Variants in ADAMTS9 observed in about 807,000 individuals in gnomAD.
ADAMTS9 encodes the protein ADAM metallopeptidase with thrombospondin type 1 motif 9.
Under a neutral mutation model 257.1 loss-of-function variants are expected in ADAMTS9, and 107 were observed. That is an observed-to-expected ratio of 0.42 (90% CI 0.36 to 0.49). The LOEUF is 0.49. ADAMTS9 is among the 20% of genes least tolerant of loss of function. The pLI, the probability that ADAMTS9 is intolerant of heterozygous loss-of-function variation, is 0.03. For missense variants in ADAMTS9, 2,353 were observed against 2,469.1 expected, an observed-to-expected ratio of 0.95 and a Z score of 1.00; for synonymous variants, 982 against 880.9, an observed-to-expected ratio of 1.11 and a Z score of -2.03.
chr3:64,639,301 T>TTTG (rs1266335225), intron 12 of ADAMTS9, among the ~76,000 whole-genome samples: 4 of 144,456 alleles, frequency 2.8e-5, no homozygotes, highest in East Asian at 4.0e-4. Flanking sequence ...TTGTTTTTTT[T>TTTG]TTTTTTTTTT....
rs538250585 is a variant in ADAMTS9, at chr3:64,683,791, T to C, written c.517-2428A>G. Among the ~76,000 whole-genome samples, 44 of 151,942 alleles carry C rather than the reference T, an allele frequency of 2.9e-4. No individual in the cohort carries two copies. In the Middle Eastern group the frequency reaches 0.01, roughly 35 times the overall value. On this transcript the variant is annotated intron_variant, in intron 2 of 39. Coordinates refer to ENST00000498707, the MANE Select transcript of ADAMTS9 (RefSeq NM_182920.2). The stretch of plus-strand genomic sequence containing the variant: ...ACAAAGCTCCAATATAGGAGAAAAA[T>C]GAGTTGATGCTGACCCTGTTGCCAA...
intron 28 of ADAMTS9, chr3:64,588,019 T>C (rs2084191783): frequency 6.6e-6 from 1 of 152,144 alleles, no homozygotes; most frequent in African/African-American, 2.4e-5. Flanking sequence ...ATTTGGGTTC[T>C]AATGGAATGG....
intron 4 of ADAMTS9, 100 bp downstream of exon 4, chr3:64,658,402 A>C: frequency 7.9e-7 from 1 of 1,269,730 alleles, no homozygotes; most frequent in Admixed American, 2.5e-5. Flanking sequence ...AATGGCTGAA[A>C]TGCCAGTTCT....
intron 27 of ADAMTS9, among the ~76,000 whole-genome samples, chr3:64,594,836 G>T (rs2084333065): frequency 6.6e-6 from 1 of 152,084 alleles, no homozygotes; most frequent in Non-Finnish European, 1.5e-5. Context: ...ATCCAGGCTG[G>T]AATGCAGTGG....
At chr3:64,554,184 C>G (rs1191237443) in intron 30 of ADAMTS9, among the ~76,000 whole-genome samples, 1 of 152,104 alleles carries the variant, frequency 6.6e-6, no homozygotes, top group Non-Finnish European at 1.5e-5. Context: ...ACAATGAATC[C>G]TAAATACTTT....
Position 64,670,658 on chromosome 3 carries a change from A to T in ADAMTS9, c.679+10543T>A, listed in dbSNP as rs540422004. Among the ~76,000 whole-genome samples, 8 of 152,354 alleles carry T rather than the reference A, an allele frequency of 5.3e-5. No homozygotes were observed. The East Asian group carries it at 1.5e-3, about 29-fold the overall frequency. On this transcript the variant is annotated intron_variant, in intron 3 of 39. Transcript: ENST00000498707. ...TATATACAGAATAAAGAACTTTCAG[A>T]CTTCAGTAATAAGAAAGCAAATATT...
intron 39 of ADAMTS9, among the ~76,000 whole-genome samples, chr3:64,518,047 A>G (rs1247327946): frequency 6.6e-6 from 1 of 152,218 alleles, no homozygotes; most frequent in Non-Finnish European, 1.5e-5. Context: ...GCATGCTAGG[A>G]GATGAGTGTT....
intron 14 of ADAMTS9, among the ~76,000 whole-genome samples, chr3:64,632,699 T>C (rs1700396715): frequency 6.6e-6 from 1 of 152,142 alleles, no homozygotes; most frequent in Admixed American, 6.5e-5. Flanking sequence ...AAAAACTCAA[T>C]GTGTTGCTGT....
chr3:64,669,521 G>C (rs920020278), intron 3 of ADAMTS9, among the ~76,000 whole-genome samples: 1 of 152,088 alleles, frequency 6.6e-6, no homozygotes, highest in Non-Finnish European at 1.5e-5. Flanking sequence ...AGAAGGCCTG[G>C]AATAGAAGTT....
At chr3:64,519,270 A>C (rs1266608079) in intron 39 of ADAMTS9, among the ~76,000 whole-genome samples, 2 of 152,206 alleles carry the variant, frequency 1.3e-5, no homozygotes, top group African/African-American at 4.8e-5. Flanking sequence ...TTGCATTAGA[A>C]TTCTCTGTAT....
intron 2 of ADAMTS9, among the ~76,000 whole-genome samples, chr3:64,682,331 T>C (rs1161586593): frequency 6.6e-6 from 1 of 152,224 alleles, no homozygotes; most frequent in Non-Finnish European, 1.5e-5. Context: ...TTAGAACTCG[T>C]GAACGGTTTT....
chr3:64,622,631 A>T, intron 16 of ADAMTS9, 45 bp from the exon 17 acceptor site: 1 of 1,588,686 alleles, frequency 6.3e-7, no homozygotes, highest in Non-Finnish European at 8.6e-7. Context: ...GCTGTCAATG[A>T]CTAGCTGTTT....
At chr3:64,595,586 C>G (rs1247337664) in intron 27 of ADAMTS9, among the ~76,000 whole-genome samples, 1 of 152,200 alleles carries the variant, frequency 6.6e-6, no homozygotes, top group Non-Finnish European at 1.5e-5. Flanking sequence ...TTTGGGAAAT[C>G]CACAATACAT....
chr3:64,533,040 A>T (rs762508273), intron 38 of ADAMTS9, 126 bp downstream of exon 38: 8 of 776,846 alleles, frequency 1.0e-5, no homozygotes, highest in Non-Finnish European at 1.7e-5. Context: ...TCTTCCTGAC[A>T]CTACAAAATG....
At chr3:64,651,698 T>C (rs1295562300) in intron 8 of ADAMTS9, among the ~76,000 whole-genome samples, 2 of 152,186 alleles carry the variant, frequency 1.3e-5, no homozygotes, top group Non-Finnish European at 2.9e-5. Flanking sequence ...TCTAAAGGCA[T>C]GCAAAGTTTG....
intron 23 of ADAMTS9, among the ~76,000 whole-genome samples, chr3:64,604,535 C>G (rs557829175): frequency 6.6e-6 from 1 of 152,038 alleles, no homozygotes; most frequent in African/African-American, 2.4e-5. Flanking sequence ...TTTGTGGGTG[C>G]CTTAATAAAG....
chr3:64,666,653 AT>A (rs11315114), intron 3 of ADAMTS9, among the ~76,000 whole-genome samples: 67,899 of 151,982 alleles, frequency 0.45, 16,395 homozygotes, highest in Non-Finnish European at 0.55. Context: ...TAATAACAGC[AT>A]ACTGCAAAGA....
chr3:64,519,700 T>C (rs11718026), intron 39 of ADAMTS9, among the ~76,000 whole-genome samples: 94,748 of 152,028 alleles, frequency 0.62, 35,016 homozygotes, highest in Non-Finnish European at 0.85. Flanking sequence ...AAAAACAATA[T>C]GACCATATCA....
At chr3:64,651,219 T>G in intron 8 of ADAMTS9, 56 bp from the exon 9 acceptor site, 2 of 1,453,054 alleles carry the variant, frequency 1.4e-6, no homozygotes, top group East Asian at 5.2e-5. Context: ...GATCATGCTG[T>G]TCTAATTGCT....
Sources: allele counts gnomAD v4.1 joint callset (sites outside exome capture counted in the v4.1 genomes callset), GRCh38; gene constraint gnomAD v4.1.1; transcripts MANE v1.5; gene names NCBI Gene and HGNC (gene_info 2026-07-23, HGNC 2026-07-21).